The following NUDT5 variants were observed in gnomAD, a reference collection of about 807,000 sequenced individuals.
The protein encoded by NUDT5 is ADP-sugar pyrophosphatase.
In NUDT5, 21 loss-of-function variants were observed where a neutral mutation model predicts 34.1. That is an observed-to-expected ratio of 0.62 (90% CI 0.44 to 0.89). NUDT5 has a LOEUF of 0.89. Ranked by LOEUF, NUDT5 falls within the 40% of genes least tolerant of loss-of-function variation. The pLI is 0.00. For missense variants in NUDT5, 249 were observed against 274.8 expected, an observed-to-expected ratio of 0.91 and a Z score of 0.66; for synonymous variants, 85 against 97.6, an observed-to-expected ratio of 0.87 and a Z score of 0.76.
Position 12,165,428 on chromosome 10 carries a change from A to G in NUDT5, c.*2274T>C, listed in dbSNP as rs867467754. The G allele has an allele frequency of 6.6e-6, 6 of 903,254 alleles. 1 individual carries two copies. In the Middle Eastern group the frequency reaches 2.3e-3, roughly 344 times the overall value. The allele number at this position is 903,254 out of a possible 1,614,324, so 56.0% of individuals were successfully genotyped here. On this transcript the variant is annotated 3_prime_UTR_variant, in exon 10 of 10. Transcript: ENST00000491614. ...TTAAACGTTTTCTAAGATCATTTGT[A>G]TAGGTTCAGTGTATTCATAAGAAGT... is the stretch of plus-strand genomic sequence containing the variant.
intron 1 of NUDT5, among the ~76,000 whole-genome samples, chr10:12,189,090 T>C (rs566951596): frequency 2.7e-4 from 41 of 152,284 alleles, no homozygotes; most frequent in African/African-American, 7.9e-4. Context: ...GAAAGTACCA[T>C]AGATGATAAT....
rs1834824502 is a variant in NUDT5, at chr10:12,170,155, C to A, written c.550+562G>T. On this transcript the variant is annotated intron_variant, in intron 9 of 9. Transcript: ENST00000491614. This position sits in a 1 kb window ranked among gnomAD's most constrained non-coding sequence, Gnocchi z 4.9. Reference sequence around the variant, plus strand: ...CCCATAAGCTTACTGTTTACAAAGTCTCTAAAAGATGGGTGGCCAAGAATT... The same window carrying A: ...CCCATAAGCTTACTGTTTACAAAGTATCTAAAAGATGGGTGGCCAAGAATT... The A allele has an allele frequency of 1.9e-6, 3 of 1,612,574 alleles. No homozygotes were observed.
rs967230235 is a variant in NUDT5, at chr10:12,169,962, G to A, written c.550+755C>T. On this transcript the variant is annotated intron_variant, in intron 9 of 9. Coordinates refer to ENST00000491614, the MANE Select transcript of NUDT5 (RefSeq NM_014142.4). This position sits in a 1 kb window ranked among gnomAD's most constrained non-coding sequence, Gnocchi z 4.8. ...CAATAAAATATTCCCATGATGACAA[G>A]TGTCTGCTTCTTTCTAGATGAGTGA... The A allele has an allele frequency of 1.4e-5, 9 of 647,192 alleles. No individual in the cohort carries two copies. Among genetic ancestry groups the A allele is most frequent in the Admixed American group, 1.1e-4 (4 of 36,376 alleles). The allele number at this position is 647,192 out of a possible 1,614,324, so 40.1% of individuals were successfully genotyped here.
At chr10:12,183,028 C>T (rs2131710977) in intron 3 of NUDT5, among the ~76,000 whole-genome samples, 1 of 152,342 alleles carries the variant, frequency 6.6e-6, no homozygotes, top group South Asian at 2.1e-4. Flanking sequence ...TGAGCCACTG[C>T]GCTTGGCCTC....
chr10:12,172,432 A>G, intron 7 of NUDT5: 1 of 315,444 alleles, frequency 3.2e-6, no homozygotes. Flanking sequence ...TAAAATATAC[A>G]TGAAGACAGA....
chr10:12,170,272 A>AGC lies in NUDT5; in HGVS notation c.550+444_550+445insGC. ...AAGCATATCACACGGAGTATACAGG[A>AGC]AATACCTCAAGTATTTGTTGAAGGA... On this transcript the variant is annotated intron_variant, in intron 9 of 9. Coordinates refer to ENST00000491614, the MANE Select transcript of NUDT5 (RefSeq NM_014142.4). This position sits in a 1 kb window ranked among gnomAD's most constrained non-coding sequence, Gnocchi z 4.9. 1 of 1,335,862 alleles carries AGC rather than the reference A, an allele frequency of 7.5e-7. No individual in the cohort carries two copies. The highest frequency in any genetic ancestry group is 1.1e-6 in the Non-Finnish European group (1 of 935,096). The allele number at this position is 1,335,862 out of a possible 1,614,324, so 82.8% of individuals were successfully genotyped here.
Position 12,184,976 on chromosome 10 carries a change from T to C in NUDT5, c.64-20A>G, listed in dbSNP as rs376055999. The stretch of plus-strand genomic sequence containing the variant: ...AATTAACTAAAAGGATATCAGATAA[T>C]AAGTTGGGAAACTTTCAAACCAAGT... On this transcript the variant is annotated intron_variant, in intron 2 of 9. Coordinates refer to ENST00000491614, the MANE Select transcript of NUDT5 (RefSeq NM_014142.4). 7.3e-6 allele frequency: 10 copies of C among 1,372,044 alleles called. No individual in the cohort carries two copies. The African/African-American group carries it at 1.4e-4, about 20-fold the overall frequency. The allele number at this position is 1,372,044 out of a possible 1,614,324, so 85.0% of individuals were successfully genotyped here.
chr10:12,189,751 ACT>A (rs1835191265), intron 1 of NUDT5, among the ~76,000 whole-genome samples: 1 of 152,174 alleles, frequency 6.6e-6, no homozygotes, highest in Admixed American at 6.5e-5. Context: ...GCCTTCACTG[ACT>A]CAACGCTATT....
Position 12,182,828 on chromosome 10 carries a change from C to T in NUDT5, c.131+2061G>A, listed in dbSNP as rs1346747982. Among the ~76,000 whole-genome samples the T allele has an allele frequency of 6.6e-6, 1 of 152,216 alleles. No homozygotes were observed. The highest frequency in any genetic ancestry group is 1.5e-5 in the Non-Finnish European group (1 of 68,042). On this transcript the variant is annotated intron_variant, in intron 3 of 9. Coordinates refer to ENST00000491614, the MANE Select transcript of NUDT5 (RefSeq NM_014142.4). This position sits in a 1 kb window ranked among gnomAD's most constrained non-coding sequence, Gnocchi z 4.3. Reference sequence around the variant, plus strand: ...CTCGGCTCACTGCAACCACCTCCTCCCGGGCTCAAGCAATTCTCCTGTCTC... The same window carrying T: ...CTCGGCTCACTGCAACCACCTCCTCTCGGGCTCAAGCAATTCTCCTGTCTC...
At position 12,172,824 on chromosome 10, in the gene NUDT5, A is replaced by T; in HGVS notation, c.428T>A (p.Ile143Asn). The T allele has an allele frequency of 1.9e-6, 3 of 1,614,222 alleles. No individual in the cohort carries two copies. The highest frequency in any genetic ancestry group is 2.2e-5 in the South Asian group (2 of 91,090). The change falls in exon 7 of 10, where the codon ATC becomes AAC. Residue 143 changes from isoleucine (I) to asparagine (N), a missense_variant. Coordinates refer to ENST00000491614, the MANE Select transcript of NUDT5 (RefSeq NM_014142.4). ...DPGLSNCTIH[I>N]VTVTINGDDA... is the part of the protein sequence containing the mutation. ...ATCTCCGTTAATGGTGACTGTCACG[A>T]TGTGTATAGTACAGTTTGACAAGCC... is the stretch of plus-strand genomic sequence containing the variant.
chr10:12,179,371 G>A (rs983786008), intron 3 of NUDT5, among the ~76,000 whole-genome samples: 2 of 152,118 alleles, frequency 1.3e-5, no homozygotes, highest in Non-Finnish European at 2.9e-5. Context: ...GGGTGCCCCC[G>A]AAACAGAAAG....
In NUDT5 at chr10:12,179,146, G is replaced by C; in HGVS notation, c.132-14C>G. 1 of 1,606,360 alleles carries C rather than the reference G, an allele frequency of 6.2e-7. No homozygotes were observed. The highest frequency in any genetic ancestry group is 1.3e-5 in the African/African-American group (1 of 74,338). On this transcript the variant is annotated splice_polypyrimidine_tract_variant and intron_variant, in intron 3 of 9. Coordinates refer to ENST00000491614, the MANE Select transcript of NUDT5 (RefSeq NM_014142.4). ...GATTCCCAAGTTCTGTTCAGGCAGA[G>C]AAGAAAAAAAAGTCATTAGTGCTAC...
In NUDT5 at chr10:12,165,352, T is replaced by A. The variant is rs1322643994; in HGVS notation, c.*2350A>T. On this transcript the variant is annotated 3_prime_UTR_variant, in exon 10 of 10. Coordinates refer to ENST00000491614, the MANE Select transcript of NUDT5 (RefSeq NM_014142.4). The stretch of plus-strand genomic sequence containing the variant: ...GTGTAAACAGTAGACAATAAACTTT[T>A]ATTTAAGAAAACTGATTCAGTTGTG... 2.0e-5 allele frequency: 20 copies of A among 980,302 alleles called. No homozygotes were observed. The highest frequency in any genetic ancestry group is 2.4e-5 in the Non-Finnish European group (20 of 825,374). 60.7% of individuals were successfully genotyped at this position (980,302 alleles called of 1,614,324 possible). A position where few individuals can be genotyped will look rare whatever the true frequency, so the allele number is the denominator to read the frequency against.
chr10:12,170,056 C>A lies in NUDT5; in HGVS notation c.550+661G>T. ...ATGGTATGTCTCCATACAGTATCTC[C>A]TCGTCTCCACACAGTATCTCCTCAT... is the stretch of plus-strand genomic sequence containing the variant. On this transcript the variant is annotated intron_variant, in intron 9 of 9. Transcript: ENST00000491614. The surrounding 1 kb of genome is among the most constrained non-coding windows in gnomAD (Gnocchi z 4.9). The A allele has an allele frequency of 1.3e-6, 2 of 1,561,592 alleles. No homozygotes were observed. The highest frequency in any genetic ancestry group is 1.8e-6 in the Non-Finnish European group (2 of 1,133,716).
At position 12,175,956 on chromosome 10, in the gene NUDT5, G is replaced by T. The variant is rs1246257454; in HGVS notation, c.289+1837C>A. Among the ~76,000 whole-genome samples, 1 of 152,166 alleles carries T rather than the reference G, an allele frequency of 6.6e-6. No individual in the cohort carries two copies. The highest frequency in any genetic ancestry group is 1.9e-4 in the East Asian group (1 of 5,200). Reference sequence around the variant, plus strand: ...AAGTAATTAAATAGCCTGGCCAGGCGTGGTGGCTCACGCCTGTAATCCCAG... The same window carrying T: ...AAGTAATTAAATAGCCTGGCCAGGCTTGGTGGCTCACGCCTGTAATCCCAG... On this transcript the variant is annotated intron_variant, in intron 5 of 9. Transcript: ENST00000491614. The surrounding 1 kb of genome is among the most constrained non-coding windows in gnomAD (Gnocchi z 4.8).
rs1835040728 is a variant in NUDT5 at position 12,181,550 on chromosome 10, A to C, written c.132-2418T>G. On this transcript the variant is annotated intron_variant, in intron 3 of 9. Transcript: ENST00000491614. The surrounding 1 kb of genome is among the most constrained non-coding windows in gnomAD (Gnocchi z 5.0). ...CAGGAAATAAGCCAAAGAACCCCAC[A>C]ATGAGTCATGCACATAGGTCTCAGC... Among the ~76,000 whole-genome samples the C allele has an allele frequency of 6.6e-6, 1 of 152,198 alleles. No homozygotes were observed. The highest frequency in any genetic ancestry group is 6.5e-5 in the Admixed American group (1 of 15,282).
At chr10:12,185,801 C>T (rs1186134570) in intron 2 of NUDT5, among the ~76,000 whole-genome samples, 2 of 152,202 alleles carry the variant, frequency 1.3e-5, no homozygotes, top group African/African-American at 2.4e-5. Context: ...AATTGAATAA[C>T]ACAGAGACAT....
chr10:12,185,745 AT>A (rs1349078590), intron 2 of NUDT5, among the ~76,000 whole-genome samples: 1 of 152,258 alleles, frequency 6.6e-6, no homozygotes, highest in Non-Finnish European at 1.5e-5. Flanking sequence ...AGGATTTAAA[AT>A]TTATCCACTG....
At chr10:12,176,558 C>T (rs890914678) in intron 5 of NUDT5, among the ~76,000 whole-genome samples, 3 of 151,982 alleles carry the variant, frequency 2.0e-5, no homozygotes, top group Non-Finnish European at 4.4e-5. Context: ...GAGCTGAGAT[C>T]GTGCCACTGC....
Sources: allele counts gnomAD v4.1 joint callset (sites outside exome capture counted in the v4.1 genomes callset), GRCh38; gene constraint gnomAD v4.1.1; non-coding constraint Gnocchi (gnomAD v3.1); transcripts MANE v1.5; gene names NCBI Gene and HGNC (gene_info 2026-07-23, HGNC 2026-07-21).